The following CAB39 variants were observed in gnomAD, a reference collection of about 807,000 sequenced individuals.
CAB39 encodes calcium binding protein 39, also known as calcium-binding protein 39.
In CAB39, 8 loss-of-function variants were observed where a neutral mutation model predicts 40.0. The observed-to-expected ratio is 0.20, with a 90% CI of 0.12 to 0.36. The LOEUF (loss-of-function observed/expected upper bound fraction) is 0.36. Among genes scored for constraint, CAB39 ranks in the 10% least tolerant of loss-of-function variants. The probability of loss-of-function intolerance (pLI) is 1.00; values close to 1 mark genes in which losing one functional copy is unlikely to be tolerated. For missense variants in CAB39, 270 were observed against 401.1 expected (o/e 0.67, Z 2.79); for synonymous variants, 156 against 141.6 (o/e 1.10, Z -0.72).
intron 1 of CAB39, among the ~76,000 whole-genome samples, chr2:230,748,831 A>ATAT (rs1553669220): frequency 4.1e-3 from 117 of 28,400 alleles, no homozygotes; most frequent in Non-Finnish European, 5.4e-3. Flanking sequence ...AAAAAAAAAA[A>ATAT]ATATATATAT....
intron 2 of CAB39, among the ~76,000 whole-genome samples, chr2:230,786,782 T>C (rs1450733333): frequency 1.3e-5 from 2 of 152,192 alleles, no homozygotes; most frequent in African/African-American, 4.8e-5. Flanking sequence ...CAAAGAGAAT[T>C]ATCTGAAGAA....
chr2:230,765,344 A>T (rs1250763383), intron 2 of CAB39, among the ~76,000 whole-genome samples: 1 of 152,072 alleles, frequency 6.6e-6, no homozygotes, highest in Non-Finnish European at 1.5e-5. Flanking sequence ...TGCTTGGTTC[A>T]TGATGGTGTC....
intron 1 of CAB39, among the ~76,000 whole-genome samples, chr2:230,741,201 A>G (rs182742073): frequency 1.4e-4 from 21 of 152,234 alleles, no homozygotes; most frequent in Non-Finnish European, 2.5e-4. Context: ...TGCAGATTCA[A>G]TGTGAATATA....
intron 2 of CAB39, among the ~76,000 whole-genome samples, chr2:230,770,353 A>G (rs1338077166): frequency 6.6e-6 from 1 of 152,168 alleles, no homozygotes; most frequent in Non-Finnish European, 1.5e-5. Flanking sequence ...ATGCCATTAA[A>G]CTCAACAGCT....
chr2:230,748,830 AAATAT>A (rs1481234819), intron 1 of CAB39, among the ~76,000 whole-genome samples: 10 of 50,656 alleles, frequency 2.0e-4, no homozygotes, highest in African/African-American at 3.7e-4. Context: ...AAAAAAAAAA[AAATAT>A]ATATATATAT....
rs761863845 is a variant in CAB39 at position 230,821,024 on chromosome 2, T to C, written c.*2320T>C. 1 of 152,656 alleles carries C rather than the reference T, an allele frequency of 6.6e-6. No individual in the cohort carries two copies. Among genetic ancestry groups the C allele is most frequent in the Admixed American group, 6.5e-5 (1 of 15,288 alleles). The allele number at this position is 152,656 out of a possible 1,614,324, so 9.5% of individuals were successfully genotyped here. A position where few individuals can be genotyped will look rare whatever the true frequency, so the allele number is the denominator to read the frequency against. ...AGGAAAAGTGAATTTCTTATCAGAA[T>C]ATCTGGCTGGCCCTGTAATTTAAAT... On this transcript the variant is annotated 3_prime_UTR_variant, in exon 9 of 9. Coordinates refer to ENST00000258418, the MANE Select transcript of CAB39 (RefSeq NM_016289.4).
intron 3 of CAB39, among the ~76,000 whole-genome samples, chr2:230,792,783 T>C (rs1695913580): frequency 6.6e-6 from 1 of 152,220 alleles, no homozygotes; most frequent in Non-Finnish European, 1.5e-5. Flanking sequence ...CAGAGTATAT[T>C]TTCCTCTCCT....
Position 230,727,398 on chromosome 2 carries a change from G to GTGTGTGTGTGTGTT in CAB39, c.-44+14169_-44+14170insGTGTGTGTGTGTTT, listed in dbSNP as rs760656084. Among the ~76,000 whole-genome samples the GTGTGTGTGTGTGTT allele has an allele frequency of 3.0e-3, 378 of 124,636 alleles. 8 individuals are homozygous for GTGTGTGTGTGTGTT. The highest frequency in any genetic ancestry group is 0.018 in the Middle Eastern group (4 of 224). 81.8% of individuals were successfully genotyped at this position (124,636 alleles called of 152,430 possible). On this transcript the variant is annotated intron_variant, in intron 1 of 8. Transcript: ENST00000258418. ...TGTGTGTGTGTGTGTGTGTGTGTGT[G>GTGTGTGTGTGTGTT]TATTTTTTTTTCTTTTTCTTTTTTT... is the stretch of plus-strand genomic sequence containing the variant.
intron 2 of CAB39, among the ~76,000 whole-genome samples, chr2:230,780,072 A>G (rs927357135): frequency 1.3e-5 from 2 of 152,204 alleles, no homozygotes; most frequent in Non-Finnish European, 2.9e-5. Flanking sequence ...GTAAGACCCA[A>G]CAGGTTTCCA....
intron 1 of CAB39, among the ~76,000 whole-genome samples, chr2:230,751,764 G>C (rs1182539973): frequency 6.6e-6 from 1 of 152,086 alleles, no homozygotes; most frequent in Non-Finnish European, 1.5e-5. Context: ...GTCTCCATCT[G>C]TTCTGGAGAA....
In CAB39 at chr2:230,757,749, T is replaced by C. The variant is rs1003018904; in HGVS notation, c.-43-2210T>C. On this transcript the variant is annotated intron_variant, in intron 1 of 8. Transcript: ENST00000258418. ...AGAGTTACAGATAGGAAAGATAATA[T>C]TTTCAGAGGACATATTGTGAGTGTG... Among the ~76,000 whole-genome samples the C allele has an allele frequency of 6.6e-5, 10 of 152,164 alleles. No homozygotes were observed. In the East Asian group the frequency reaches 1.7e-3, roughly 26 times the overall value.
chr2:230,718,356 C>G (rs2124848296), intron 1 of CAB39, among the ~76,000 whole-genome samples: 1 of 152,304 alleles, frequency 6.6e-6, no homozygotes, highest in Non-Finnish European at 1.5e-5. Flanking sequence ...TCTCCCTCCA[C>G]AGTAGATTAT....
chr2:230,752,240 A>G (rs1049498759), intron 1 of CAB39: 1 of 140,002 alleles, frequency 7.1e-6, no homozygotes, highest in Admixed American at 6.7e-5. Flanking sequence ...GAAATGTTAC[A>G]TATTTACAAA....
At chr2:230,748,831 A>AAAAAAAAAAAAAAATAT (rs1386799920) in intron 1 of CAB39, among the ~76,000 whole-genome samples, 1 of 28,512 alleles carries the variant, frequency 3.5e-5, no homozygotes, top group Admixed American at 6.5e-4. Flanking sequence ...AAAAAAAAAA[A>AAAAAAAAAAAAAAATAT]ATATATATAT....
intron 8 of CAB39, 51 bp downstream of exon 8, chr2:230,817,948 C>G: frequency 6.6e-7 from 1 of 1,505,608 alleles, no homozygotes; most frequent in Non-Finnish European, 9.0e-7. Flanking sequence ...TGTTCGTCGT[C>G]TTTCATTCGC....
At chr2:230,752,897 C>G (rs147727581) in intron 1 of CAB39, among the ~76,000 whole-genome samples, 64 of 152,256 alleles carry the variant, frequency 4.2e-4, no homozygotes, top group African/African-American at 1.4e-3. Flanking sequence ...GAAAAAGAAG[C>G]AGGACTTAGA....
intron 2 of CAB39, among the ~76,000 whole-genome samples, chr2:230,765,019 G>A (rs575341926): frequency 4.1e-4 from 62 of 151,874 alleles, no homozygotes; most frequent in Admixed American, 3.1e-3. Flanking sequence ...ACGGAGTCTC[G>A]CTCTGTCGCC....
chr2:230,818,324 G>A (rs1696440000), intron 8 of CAB39, 192 bp from the exon 9 acceptor site: 1 of 558,598 alleles, frequency 1.8e-6, no homozygotes, highest in African/African-American at 1.9e-5. Context: ...AGTCGTATTT[G>A]TGTTAAAACA....
At chr2:230,731,757 A>G (rs1694694040) in intron 1 of CAB39, among the ~76,000 whole-genome samples, 1 of 152,148 alleles carries the variant, frequency 6.6e-6, no homozygotes, top group South Asian at 2.1e-4. Context: ...AGGCCTCCCA[A>G]AGTGCTGGGA....
Sources: allele counts gnomAD v4.1 joint callset (sites outside exome capture counted in the v4.1 genomes callset), GRCh38; gene constraint gnomAD v4.1.1; transcripts MANE v1.5; gene names NCBI Gene and HGNC (gene_info 2026-07-23, HGNC 2026-07-21).